Variants in CDH19 observed in about 807,000 individuals in gnomAD.
CDH19 encodes cadherin 19.
Under a neutral mutation model 64.2 loss-of-function variants are expected in CDH19, and 67 were observed. The ratio of observed to expected loss-of-function variants is 1.04; its 90% CI spans 0.86 to 1.28. The LOEUF (loss-of-function observed/expected upper bound fraction) is 1.28, where lower values mean the gene tolerates loss of function less well. CDH19 is among the 50% of genes most tolerant of loss of function. The pLI is 0.00. For synonymous variants in CDH19, 346 were observed against 319.3 expected, an observed-to-expected ratio of 1.08 and a Z score of -0.89; for missense variants, 1,030 against 929.0, an observed-to-expected ratio of 1.11 and a Z score of -1.41.
chr18:66,552,131 C>T (rs929236923), intron 4 of CDH19, among the ~76,000 whole-genome samples: 1 of 151,846 alleles, frequency 6.6e-6, no homozygotes, highest in Admixed American at 6.6e-5. Context: ...CTGTGTGTGA[C>T]GGGATCATTA....
chr18:66,509,989 C>A (rs950208187), intron 10 of CDH19, among the ~76,000 whole-genome samples: 1 of 151,756 alleles, frequency 6.6e-6, no homozygotes, highest in African/African-American at 2.4e-5. Context: ...AAACAATAAG[C>A]ACTTCAACAA....
chr18:66,558,560 A>G (rs1987606038), intron 3 of CDH19, among the ~76,000 whole-genome samples: 1 of 152,054 alleles, frequency 6.6e-6, no homozygotes. Flanking sequence ...TAATAATTAA[A>G]TATAAAAGCA....
At chr18:66,569,625 A>T (rs1431460911) in intron 2 of CDH19, among the ~76,000 whole-genome samples, 1 of 151,744 alleles carries the variant, frequency 6.6e-6, no homozygotes, top group African/African-American at 2.4e-5. Context: ...TTGAGGTATT[A>T]TTTAGAATTT....
chr18:66,517,654 C>T (rs1019216852), intron 9 of CDH19, among the ~76,000 whole-genome samples: 1 of 151,850 alleles, frequency 6.6e-6, no homozygotes, highest in Non-Finnish European at 1.5e-5. Flanking sequence ...ATTTATTATC[C>T]ATCCAAAGTA....
chr18:66,518,861 C>A (rs1022798525), intron 9 of CDH19, among the ~76,000 whole-genome samples: 13 of 143,066 alleles, frequency 9.1e-5, no homozygotes, highest in African/African-American at 3.0e-4. Flanking sequence ...TCATTCCAGT[C>A]TAATGACTTT....
intron 1 of CDH19, among the ~76,000 whole-genome samples, chr18:66,585,435 A>C (rs1199074983): frequency 6.6e-6 from 1 of 152,038 alleles, no homozygotes; most frequent in African/African-American, 2.4e-5. Context: ...AACACTTGCT[A>C]GTTCCATCAC....
chr18:66,590,266 A>G (rs928535070), intron 1 of CDH19, among the ~76,000 whole-genome samples: 1 of 151,842 alleles, frequency 6.6e-6, no homozygotes, highest in African/African-American at 2.4e-5. Context: ...AACCATACTG[A>G]GTGTTTACTC....
intron 6 of CDH19, among the ~76,000 whole-genome samples, chr18:66,544,489 T>C (rs778788072): frequency 1.3e-5 from 2 of 152,104 alleles, no homozygotes; most frequent in Non-Finnish European, 2.9e-5. Flanking sequence ...TTCCTAGTAT[T>C]TAAGATATTT....
At chr18:66,535,265 A>G (rs1414702641) in intron 7 of CDH19, among the ~76,000 whole-genome samples, 158 bp from the exon 8 acceptor site, 2 of 151,860 alleles carry the variant, frequency 1.3e-5, no homozygotes, top group Non-Finnish European at 2.9e-5. Flanking sequence ...TCCTGTATTT[A>G]AGATTCAACT....
At chr18:66,571,642 T>C (rs1313745543) in intron 2 of CDH19, among the ~76,000 whole-genome samples, 1 of 151,508 alleles carries the variant, frequency 6.6e-6, no homozygotes, top group East Asian at 1.9e-4. Flanking sequence ...GAACGAGGGG[T>C]AAATCAACAG....
chr18:66,599,606 C>A (rs1988990738), intron 1 of CDH19, among the ~76,000 whole-genome samples: 1 of 151,952 alleles, frequency 6.6e-6, no homozygotes, highest in Non-Finnish European at 1.5e-5. Context: ...TATTAACTAG[C>A]CTGATTTAAT....
chr18:66,574,987 G>A (rs1798903314), intron 1 of CDH19, among the ~76,000 whole-genome samples: 1 of 151,796 alleles, frequency 6.6e-6, no homozygotes, highest in Non-Finnish European at 1.5e-5. Context: ...AAACTGAGCT[G>A]TCAGGTATTG....
At chr18:66,536,062 C>G (rs1986657468) in intron 7 of CDH19, among the ~76,000 whole-genome samples, 2 of 149,872 alleles carry the variant, frequency 1.3e-5, no homozygotes, top group African/African-American at 4.9e-5. Flanking sequence ...ATCTCCACCT[C>G]CACAATGAAA....
chr18:66,532,965 T>C (rs1327320854), intron 8 of CDH19, among the ~76,000 whole-genome samples: 1 of 152,134 alleles, frequency 6.6e-6, no homozygotes, highest in Non-Finnish European at 1.5e-5. Context: ...TTGCACCTGC[T>C]TGACCACATA....
intron 3 of CDH19, among the ~76,000 whole-genome samples, chr18:66,560,535 GA>G (rs1987680930): frequency 6.6e-6 from 1 of 151,700 alleles, no homozygotes; most frequent in African/African-American, 2.4e-5. Flanking sequence ...CAGAAAAAAA[GA>G]AAAATAGAGG....
Position 66,511,548 on chromosome 18 carries a change from T to C in CDH19, c.1576+20A>G. 9.9e-7 allele frequency: 1 copy of C among 1,010,980 alleles called. No homozygotes were observed. Among genetic ancestry groups the C allele is most frequent in the Non-Finnish European group, 1.6e-6 (1 of 641,910 alleles). 62.6% of individuals were successfully genotyped at this position (1,010,980 alleles called of 1,614,324 possible). A position where few individuals can be genotyped will look rare whatever the true frequency, so the allele number is the denominator to read the frequency against. ...AGTCACAAAAATGTATCAAAACTCA[T>C]TATGAGTGAATGACATTACCTTGAT... On this transcript the variant is annotated intron_variant, in intron 10 of 11. Coordinates refer to ENST00000262150, the MANE Select transcript of CDH19 (RefSeq NM_021153.4).
At chr18:66,560,785 A>G (rs773273669) in intron 3 of CDH19, among the ~76,000 whole-genome samples, 1 of 152,088 alleles carries the variant, frequency 6.6e-6, no homozygotes, top group East Asian at 1.9e-4. Flanking sequence ...TACAGGTCAT[A>G]TATACCTAAC....
chr18:66,589,066 T>C (rs1411793728), intron 1 of CDH19, among the ~76,000 whole-genome samples: 1 of 151,752 alleles, frequency 6.6e-6, no homozygotes, highest in Non-Finnish European at 1.5e-5. Context: ...ATCATGATGG[T>C]TTAACAAAAC....
intron 1 of CDH19, among the ~76,000 whole-genome samples, chr18:66,574,841 C>T (rs773330742): frequency 6.6e-6 from 1 of 151,766 alleles, no homozygotes; most frequent in East Asian, 1.9e-4. Context: ...GATGTCTCAT[C>T]TCAAACAATG....
Sources: gnomAD v4.1 joint callset for allele counts (sites outside exome capture counted in the v4.1 genomes callset) on GRCh38, gnomAD v4.1.1 for gene constraint, MANE v1.5 for transcripts, NCBI Gene and HGNC (gene_info 2026-07-23, HGNC 2026-07-21) for gene names.